The following CACHD1 variants were observed in gnomAD, a reference collection of about 807,000 sequenced individuals.
CACHD1 encodes VWFA and cache domain-containing protein 1.
CACHD1 carries 71 observed loss-of-function variants against 138.7 expected under a neutral mutation model. The observed-to-expected ratio is 0.51, with a 90% CI of 0.42 to 0.62. CACHD1 has a LOEUF of 0.62. CACHD1 is among the 20% of genes least tolerant of loss of function. The pLI is 0.00. For missense variants in CACHD1, 1,389 were observed against 1,625.3 expected (o/e 0.85, Z 2.50); for synonymous variants, 578 against 591.5 (o/e 0.98, Z 0.33).
rs114241660 is a variant in CACHD1 at position 64,686,682 on chromosome 1, G to A, written c.3586+4576G>A. Among the ~76,000 whole-genome samples, 563 of 152,244 alleles carry A rather than the reference G, an allele frequency of 3.7e-3. 5 individuals carry two copies. Among genetic ancestry groups the A allele is most frequent in the African/African-American group, 0.013 (534 of 41,548 alleles). The stretch of plus-strand genomic sequence containing the variant: ...TTTTTAAGTCAAAAAACACCTGTAC[G>A]TTATTTGTTCCTTGTGAATTTGTAT... On this transcript the variant is annotated intron_variant, in intron 26 of 26. Transcript: ENST00000651257.
chr1:64,502,358 C>T (rs928519973), intron 1 of CACHD1, among the ~76,000 whole-genome samples: 16 of 152,204 alleles, frequency 1.1e-4, no homozygotes, highest in Non-Finnish European at 1.5e-5. Context: ...TGGTTGAGTT[C>T]CCCATTGTCC....
intron 6 of CACHD1, among the ~76,000 whole-genome samples, 161 bp downstream of exon 6, chr1:64,632,904 C>G (rs543570032): frequency 6.6e-6 from 1 of 152,344 alleles, no homozygotes; most frequent in East Asian, 1.9e-4. Context: ...TACACCTGAG[C>G]TACATCACAG....
intron 4 of CACHD1, among the ~76,000 whole-genome samples, chr1:64,619,490 C>T (rs966535496): frequency 2.0e-5 from 3 of 152,104 alleles, no homozygotes; most frequent in African/African-American, 7.2e-5. Flanking sequence ...GAACTGTTTC[C>T]TTGCATTTTA....
Position 64,671,781 on chromosome 1 carries a change from A to T in CACHD1, c.2510+95A>T. On this transcript the variant is annotated intron_variant, in intron 17 of 26. Transcript: ENST00000651257. ...GAATGGGAACCGCATAGTTATGGTC[A>T]GGAATAGAAATCTAATTTATGGCCT... 3 of 1,453,808 alleles carry T rather than the reference A, an allele frequency of 2.1e-6. No homozygotes were observed. In the South Asian group the frequency reaches 3.7e-5, roughly 18 times the overall value. 90.1% of individuals were successfully genotyped at this position (1,453,808 alleles called of 1,614,324 possible).
At position 64,576,753 on chromosome 1, in the gene CACHD1, T is replaced by A. The variant is rs1447169920; in HGVS notation, c.262-5403T>A. On this transcript the variant is annotated intron_variant, in intron 2 of 26. Transcript: ENST00000651257. Reference sequence around the variant, plus strand: ...TGAAATTCTTTAGGAAAATACTGAATTCTGAAGAAAAGGAACAATACTAGC... The same window carrying A: ...TGAAATTCTTTAGGAAAATACTGAAATCTGAAGAAAAGGAACAATACTAGC... 2.6e-5 allele frequency among the ~76,000 whole-genome samples: 4 copies of A among 152,328 alleles called. No individual in the cohort carries two copies. In the East Asian group the frequency reaches 7.7e-4, roughly 29 times the overall value.
chr1:64,576,914 T>G (rs1031474313), intron 2 of CACHD1, among the ~76,000 whole-genome samples: 10 of 151,796 alleles, frequency 6.6e-5, no homozygotes, highest in Admixed American at 1.3e-4. Flanking sequence ...TTTGTTTTTT[T>G]TTTTTAGAAT....
chr1:64,536,316 TC>T (rs1376929229), intron 1 of CACHD1, among the ~76,000 whole-genome samples: 1 of 152,070 alleles, frequency 6.6e-6, no homozygotes, highest in African/African-American at 2.4e-5. Context: ...GAGTCCAACT[TC>T]CTTGCTTCCA....
chr1:64,477,329 C>T (rs1557454817), intron 1 of CACHD1, among the ~76,000 whole-genome samples: 1 of 152,154 alleles, frequency 6.6e-6, no homozygotes, highest in Non-Finnish European at 1.5e-5. Flanking sequence ...CCTCTGCCCC[C>T]AGGTTTTTAA....
chr1:64,671,816 A>T, intron 17 of CACHD1, 130 bp downstream of exon 17: 1 of 1,116,408 alleles, frequency 9.0e-7, no homozygotes, highest in South Asian at 1.5e-5. Context: ...TGGGTGTCCT[A>T]TTAAGAAGGT....
At chr1:64,642,153 A>T (rs1248588203) in intron 8 of CACHD1, among the ~76,000 whole-genome samples, 184 bp downstream of exon 8, 1 of 152,160 alleles carries the variant, frequency 6.6e-6, no homozygotes, top group Non-Finnish European at 1.5e-5. Flanking sequence ...CTTTCTCTTC[A>T]TCTGTCTCTC....
In CACHD1 at chr1:64,679,694, A is replaced by G. The variant is rs199862686; in HGVS notation, c.3344A>G (p.Tyr1115Cys). The G allele has an allele frequency of 6.2e-7, 1 of 1,614,110 alleles. No individual in the cohort carries two copies. The highest frequency in any genetic ancestry group is 8.5e-7 in the Non-Finnish European group (1 of 1,180,006). ...ATCATGGTCTTGGTCCTGGCGGTGT[A>G]TGCCTACCGCCACCAGATTCATCGC... ...GCIMVLVLAV[Y>C]AYRHQIHRRS... The change falls in exon 24 of 27, where the codon TAT becomes TGT. Residue 1115 changes from tyrosine (Y) to cysteine (C), a missense_variant. Tyr to Cys is a radical substitution (Grantham distance 194). Around this residue, in one of 5 missense-constraint regions of CACHD1, gnomAD observed 250 missense variants for 292.9 expected, o/e 0.85. Coordinates refer to ENST00000651257, the MANE Select transcript of CACHD1 (RefSeq NM_020925.4).
At chr1:64,596,604 G>A (rs745322243) in intron 3 of CACHD1, among the ~76,000 whole-genome samples, 1 of 152,178 alleles carries the variant, frequency 6.6e-6, no homozygotes, top group Non-Finnish European at 1.5e-5. Flanking sequence ...AGTGGCACTG[G>A]CAGCAAAGGC....
intron 2 of CACHD1, among the ~76,000 whole-genome samples, chr1:64,566,490 CA>C (rs200358336): frequency 6.3e-5 from 9 of 143,334 alleles, no homozygotes; most frequent in South Asian, 2.4e-4. Context: ...CCCCCCCCCC[CA>C]CAAGGTATGG....
intron 9 of CACHD1, among the ~76,000 whole-genome samples, chr1:64,649,000 G>A (rs1186648026): frequency 6.6e-6 from 1 of 152,024 alleles, no homozygotes; most frequent in African/African-American, 2.4e-5. Flanking sequence ...AATTGAAGAA[G>A]TAGCTAATTA....
intron 4 of CACHD1, among the ~76,000 whole-genome samples, chr1:64,606,932 G>C (rs1027926589): frequency 1.3e-5 from 2 of 152,154 alleles, no homozygotes; most frequent in Admixed American, 1.3e-4. Context: ...GGGGAATGCT[G>C]GGAGAAGAGC....
intron 12 of CACHD1, among the ~76,000 whole-genome samples, chr1:64,655,391 T>C (rs2100687774): frequency 6.6e-6 from 1 of 152,320 alleles, no homozygotes; most frequent in South Asian, 2.1e-4. Context: ...ATTGTGTAGA[T>C]AACCCAAATT....
intron 4 of CACHD1, among the ~76,000 whole-genome samples, chr1:64,620,292 A>G (rs1483802657): frequency 6.6e-6 from 1 of 152,164 alleles, no homozygotes; most frequent in Non-Finnish European, 1.5e-5. Context: ...ACCTACATGT[A>G]GCTGTTTAGA....
intron 3 of CACHD1, among the ~76,000 whole-genome samples, chr1:64,598,921 A>C (rs1026056658): frequency 2.1e-5 from 3 of 143,046 alleles, no homozygotes; most frequent in Non-Finnish European, 4.5e-5. Context: ...TAATATCATT[A>C]ATATTATTAT....
intron 2 of CACHD1, among the ~76,000 whole-genome samples, chr1:64,577,459 G>T (rs1173008390): frequency 6.6e-6 from 1 of 152,150 alleles, no homozygotes; most frequent in Non-Finnish European, 1.5e-5. Context: ...TGTGGGGAGA[G>T]GGTTGATCTC....
Sources: gnomAD v4.1 joint callset for allele counts (sites outside exome capture counted in the v4.1 genomes callset) on GRCh38, gnomAD v4.1.1 for gene constraint, gnomAD v4.1.1 regional missense constraint, MANE v1.5 for transcripts, NCBI Gene and HGNC (gene_info 2026-07-23, HGNC 2026-07-21) for gene names.